The following ERC2 variants were observed in gnomAD, a reference collection of about 807,000 sequenced individuals.
ERC2 encodes ELKS/RAB6-interacting/CAST family member 2.
Under a neutral mutation model 114.8 loss-of-function variants are expected in ERC2, and 42 were observed. That is an observed-to-expected ratio of 0.37 (90% CI 0.29 to 0.47). The LOEUF (loss-of-function observed/expected upper bound fraction) is 0.47. ERC2 is among the 20% of genes least tolerant of loss of function. The probability of loss-of-function intolerance (pLI) is 0.99; values close to 1 mark genes in which losing one functional copy is unlikely to be tolerated. For synonymous variants in ERC2, 454 were observed against 425.5 expected (o/e 1.07, Z -0.82); for missense variants, 939 against 1,150.7 (o/e 0.82, Z 2.66).
chr3:55,572,860 G>GT (rs528355106), intron 17 of ERC2, among the ~76,000 whole-genome samples: 245 of 152,310 alleles, frequency 1.6e-3, no homozygotes, highest in Middle Eastern at 3.4e-3. Flanking sequence ...CCACTAAGGG[G>GT]TTTTTTCTAC....
At position 56,434,717 on chromosome 3, in the gene ERC2, G is replaced by A; in HGVS notation, c.291C>T (p.Ala97=). The stretch of plus-strand genomic sequence containing the variant: ...AAGCAATATTGGGACTACTCCCCAT[G>A]GCTGTGACACGGCCTCCATATACAG... ...NRAVYGGRVT[A]MGSSPNIASA... The change falls in exon 2 of 18, where the codon GCC becomes GCT. Residue 97 remains alanine (A), a synonymous_variant. Transcript: ENST00000288221. 1 of 1,613,996 alleles carries A rather than the reference G, an allele frequency of 6.2e-7. No homozygotes were observed. The highest frequency in any genetic ancestry group is 8.5e-7 in the Non-Finnish European group (1 of 1,179,896).
At chr3:56,346,212 T>C (rs1333136838) in intron 2 of ERC2, among the ~76,000 whole-genome samples, 1 of 152,260 alleles carries the variant, frequency 6.6e-6, no homozygotes, top group Non-Finnish European at 1.5e-5. Flanking sequence ...CTGCCCTTTA[T>C]GAATTTGCTA....
At chr3:56,204,280 A>G (rs1008236126) in intron 3 of ERC2, among the ~76,000 whole-genome samples, 7 of 152,082 alleles carry the variant, frequency 4.6e-5, no homozygotes, top group African/African-American at 1.7e-4. Context: ...CTTGCTCACA[A>G]CAGAGTACTC....
At chr3:56,146,999 A>AGTGAAT (rs927410574) in intron 5 of ERC2, among the ~76,000 whole-genome samples, 2 of 152,242 alleles carry the variant, frequency 1.3e-5, no homozygotes, top group Non-Finnish European at 2.9e-5. Flanking sequence ...ATTCACCTGG[A>AGTGAAT]CAGAGTCCAT....
intron 2 of ERC2, among the ~76,000 whole-genome samples, chr3:56,314,852 G>A (rs1453576270): frequency 1.3e-5 from 2 of 152,136 alleles, no homozygotes; most frequent in African/African-American, 4.8e-5. Context: ...TAGTTGTGAA[G>A]TCCAGGCACC....
At chr3:55,608,738 A>C (rs561186137) in intron 17 of ERC2, among the ~76,000 whole-genome samples, 1 of 152,368 alleles carries the variant, frequency 6.6e-6, no homozygotes, top group South Asian at 2.1e-4. Context: ...CCGTAATTAC[A>C]TAATTAAAAC....
At chr3:56,427,341 G>A (rs553202395) in intron 2 of ERC2, among the ~76,000 whole-genome samples, 109 of 152,138 alleles carry the variant, frequency 7.2e-4, no homozygotes, top group South Asian at 1.5e-3. Flanking sequence ...GCCCCAGCTG[G>A]TCTCAAACTC....
chr3:55,961,783 A>G (rs1171751246), intron 12 of ERC2, among the ~76,000 whole-genome samples: 1 of 150,854 alleles, frequency 6.6e-6, no homozygotes, highest in African/African-American at 2.4e-5. Flanking sequence ...TCAGAAAGGC[A>G]CTTTCTATTA....
At chr3:56,269,914 T>C (rs920068523) in intron 3 of ERC2, among the ~76,000 whole-genome samples, 1 of 152,112 alleles carries the variant, frequency 6.6e-6, no homozygotes, top group African/African-American at 2.4e-5. Context: ...AAAAAAAAGC[T>C]CCTTTTTCCC....
intron 1 of ERC2, among the ~76,000 whole-genome samples, chr3:56,446,306 A>G (rs1559513293): frequency 6.6e-6 from 1 of 152,092 alleles, no homozygotes; most frequent in Non-Finnish European, 1.5e-5. Context: ...GGTGATTGGG[A>G]CTCAGGACAT....
intron 2 of ERC2, among the ~76,000 whole-genome samples, chr3:56,297,690 C>T (rs1560544236): frequency 6.6e-6 from 1 of 152,208 alleles, no homozygotes; most frequent in African/African-American, 2.4e-5. Context: ...GAACACAGTG[C>T]TAAGCACAGG....
chr3:55,750,516 C>T (rs1048580598), intron 14 of ERC2, among the ~76,000 whole-genome samples: 11 of 151,970 alleles, frequency 7.2e-5, no homozygotes, highest in African/African-American at 1.2e-4. Context: ...AAGAAATGTC[C>T]CTTTGGTCCG....
intron 14 of ERC2, among the ~76,000 whole-genome samples, chr3:55,831,775 C>A (rs765787649): frequency 7.2e-5 from 11 of 152,128 alleles, no homozygotes; most frequent in Non-Finnish European, 1.3e-4. Flanking sequence ...GTACAACGCA[C>A]CGTGTGTGAG....
intron 16 of ERC2, among the ~76,000 whole-genome samples, chr3:55,693,540 G>A (rs1034496511): frequency 1.1e-4 from 16 of 152,092 alleles, no homozygotes; most frequent in African/African-American, 3.6e-4. Flanking sequence ...TTCCATAGAA[G>A]CAGGAGAGTT....
At position 56,279,629 on chromosome 3, in the gene ERC2, G is replaced by A. The variant is rs1474530998; in HGVS notation, c.1074+16390C>T. ...ATAAGGTGGAAAAATGTAGGCAGGGGCCTTGTAAGCCAGGCTCAAGACTTT... is the reference window on the plus strand; with the variant it reads ...ATAAGGTGGAAAAATGTAGGCAGGGACCTTGTAAGCCAGGCTCAAGACTTT... On this transcript the variant is annotated intron_variant, in intron 3 of 17. Transcript: ENST00000288221. Among the ~76,000 whole-genome samples the A allele has an allele frequency of 2.0e-5, 3 of 152,194 alleles. No homozygotes were observed. The East Asian group carries it at 5.8e-4, about 29-fold the overall frequency.
chr3:56,196,863 G>C (rs1436306652), intron 3 of ERC2, among the ~76,000 whole-genome samples: 1 of 152,100 alleles, frequency 6.6e-6, no homozygotes, highest in Admixed American at 6.6e-5. Flanking sequence ...CAAAACAGTG[G>C]AGGGGATTTT....
At position 56,079,065 on chromosome 3, in the gene ERC2, C is replaced by T. The variant is rs988353846; in HGVS notation, c.1641+1752G>A. ...ACCTGAAAGAAGCAAAGGCATGAGC[C>T]ATGTGGCTATTTCGAGCAGTTCTGT... On this transcript the variant is annotated intron_variant, in intron 7 of 17. Transcript: ENST00000288221. Among the ~76,000 whole-genome samples the T allele has an allele frequency of 2.6e-5, 4 of 151,976 alleles. No individual in the cohort carries two copies. In the South Asian group the frequency reaches 8.3e-4, roughly 32 times the overall value.
chr3:55,950,939 T>C (rs2067460034), intron 12 of ERC2, among the ~76,000 whole-genome samples: 1 of 152,130 alleles, frequency 6.6e-6, no homozygotes, highest in South Asian at 2.1e-4. Flanking sequence ...TGGAAGGAGA[T>C]GACTTTAGAT....
At chr3:56,111,750 C>A (rs1385306887) in intron 6 of ERC2, among the ~76,000 whole-genome samples, 3 of 152,210 alleles carry the variant, frequency 2.0e-5, no homozygotes, top group African/African-American at 7.2e-5. Flanking sequence ...CATGTCACAG[C>A]TCCACAAGAA....
Sources: allele counts gnomAD v4.1 joint callset (sites outside exome capture counted in the v4.1 genomes callset), GRCh38; gene constraint gnomAD v4.1.1; transcripts MANE v1.5; gene names NCBI Gene and HGNC (gene_info 2026-07-23, HGNC 2026-07-21).